The following LAMA3 variants were observed in gnomAD, a reference collection of about 807,000 sequenced individuals.
LAMA3 encodes the protein laminin subunit alpha-3.
In LAMA3, 281 loss-of-function variants were observed where a neutral mutation model predicts 402.0. That is an observed-to-expected ratio of 0.70 (90% confidence interval 0.63 to 0.77). LAMA3 has a LOEUF of 0.77. Among genes scored for constraint, LAMA3 ranks in the 30% least tolerant of loss-of-function variants. The probability of loss-of-function intolerance (pLI) is 0.00; values close to 1 mark genes in which losing one functional copy is unlikely to be tolerated. For missense variants in LAMA3, 3,840 were observed against 4,215.5 expected (o/e 0.91, Z 2.47); for synonymous variants, 1,431 against 1,558.4 (o/e 0.92, Z 1.93).
intron 66 of LAMA3, among the ~76,000 whole-genome samples, chr18:23,932,753 A>AT (rs1044234031): frequency 1.3e-5 from 2 of 151,928 alleles, no homozygotes; most frequent in African/African-American, 2.4e-5. Flanking sequence ...GTGTTTACAT[A>AT]TTTTTTTTGA....
At chr18:23,778,065 C>T (rs944000726) in intron 11 of LAMA3, among the ~76,000 whole-genome samples, 1 of 152,122 alleles carries the variant, frequency 6.6e-6, no homozygotes, top group Non-Finnish European at 1.5e-5. Flanking sequence ...GGCATTAATG[C>T]TTCTGGGGCA....
chr18:23,897,918 G>A (rs999888069), intron 44 of LAMA3, among the ~76,000 whole-genome samples: 5 of 152,208 alleles, frequency 3.3e-5, no homozygotes, highest in Non-Finnish European at 7.3e-5. Flanking sequence ...TAATGGAAGA[G>A]CAAGGCTTAG....
In LAMA3 at chr18:23,758,349, C is replaced by T. The variant is rs373684879; in HGVS notation, c.948-47C>T. ...TCGCACTATAGGATCAACTGATCCT[C>T]ATCAAAACTTTTCAATAACTGAGAT... On this transcript the variant is annotated intron_variant, in intron 6 of 74. Coordinates refer to ENST00000313654, the MANE Select transcript of LAMA3 (RefSeq NM_198129.4). 8 of 1,427,256 alleles carry T rather than the reference C, an allele frequency of 5.6e-6. No homozygotes were observed. The African/African-American group carries it at 8.4e-5, about 15-fold the overall frequency. 88.4% of individuals were successfully genotyped at this position (1,427,256 alleles called of 1,614,324 possible).
At chr18:23,781,332 C>T (rs2062433272) in intron 11 of LAMA3, 1 of 455,320 alleles carries the variant, frequency 2.2e-6, no homozygotes, top group Non-Finnish European at 4.4e-6. Flanking sequence ...CCAAGGCTTC[C>T]CTTGTCATGA....
intron 74 of LAMA3, 29 bp from the exon 75 acceptor site, chr18:23,954,474 A>G: frequency 6.2e-7 from 1 of 1,602,666 alleles, no homozygotes; most frequent in Non-Finnish European, 8.5e-7. Context: ...TGAATTATTT[A>G]CTGAATGCCT....
At position 23,825,474 on chromosome 18, in the gene LAMA3, C is replaced by T. The variant is rs761235820; in HGVS notation, c.2571+909C>T. Among the ~76,000 whole-genome samples, 152 of 152,266 alleles carry T rather than the reference C, an allele frequency of 1.0e-3. No homozygotes were observed. The Middle Eastern group carries it at 0.024, about 24-fold the overall frequency. ...TCGCTTAATTCCAATCCTGTCTCTT[C>T]CAGTCCTGCCAGTTGCTTCTTCCAT... On this transcript the variant is annotated intron_variant, in intron 21 of 74. Transcript: ENST00000313654.
chr18:23,819,736 T>G, intron 18 of LAMA3, 105 bp from the exon 19 acceptor site: 1 of 970,464 alleles, frequency 1.0e-6, no homozygotes, highest in South Asian at 1.3e-5. Context: ...TAATGTACTC[T>G]GTCAATGTGG....
intron 55 of LAMA3, among the ~76,000 whole-genome samples, chr18:23,911,500 C>T (rs1194344279): frequency 6.6e-6 from 1 of 151,830 alleles, no homozygotes; most frequent in Non-Finnish European, 1.5e-5. Flanking sequence ...AGCATGTGAT[C>T]GGTGGGCTTG....
intron 2 of LAMA3, among the ~76,000 whole-genome samples, chr18:23,724,918 C>T (rs1242242184): frequency 4.6e-5 from 7 of 152,158 alleles, no homozygotes. Context: ...ATCTGTGACC[C>T]TGCAGCCTTC....
At chr18:23,769,650 T>G (rs180751398) in intron 8 of LAMA3, among the ~76,000 whole-genome samples, 52 of 152,190 alleles carry the variant, frequency 3.4e-4, no homozygotes, top group Middle Eastern at 3.4e-3. Flanking sequence ...GGGGATGAAG[T>G]GCATGCATGT....
intron 8 of LAMA3, among the ~76,000 whole-genome samples, chr18:23,768,116 C>T (rs1484605826): frequency 6.8e-6 from 1 of 148,034 alleles, no homozygotes; most frequent in Non-Finnish European, 1.5e-5. Context: ...TTCAACAAAA[C>T]AAAAAATTGA....
At chr18:23,777,142 C>T (rs2062339177) in intron 10 of LAMA3, among the ~76,000 whole-genome samples, 1 of 151,628 alleles carries the variant, frequency 6.6e-6, no homozygotes, top group East Asian at 1.9e-4. Flanking sequence ...GCTCGGCCTG[C>T]CTTTTTAGTG....
intron 39 of LAMA3, among the ~76,000 whole-genome samples, chr18:23,880,988 ATTATAC>A (rs148943083): frequency 7.7e-4 from 118 of 152,360 alleles, no homozygotes; most frequent in Non-Finnish European, 1.2e-3. Context: ...AATGTTTAAA[ATTATAC>A]TTATTCCAGC....
chr18:23,763,034 T>A (rs1343496474), intron 7 of LAMA3, among the ~76,000 whole-genome samples: 2 of 152,022 alleles, frequency 1.3e-5, no homozygotes, highest in Admixed American at 6.6e-5. Flanking sequence ...TTTTTGTATT[T>A]TTAGTAGAGA....
chr18:23,873,034 C>T, intron 38 of LAMA3: 2 of 1,614,126 alleles, frequency 1.2e-6, no homozygotes, highest in Non-Finnish European at 1.7e-6. Context: ...AGCGGACGTC[C>T]AGGAACCGGG....
chr18:23,732,930 T>G (rs1304334118), intron 2 of LAMA3, among the ~76,000 whole-genome samples: 2 of 152,148 alleles, frequency 1.3e-5, no homozygotes, highest in Admixed American at 6.5e-5. Flanking sequence ...TACTATTAAT[T>G]TAATAATTCT....
chr18:23,743,989 G>A (rs2061606052), intron 2 of LAMA3, among the ~76,000 whole-genome samples: 1 of 152,178 alleles, frequency 6.6e-6, no homozygotes, highest in African/African-American at 2.4e-5. Context: ...TGGCCAAAGA[G>A]TAAACATAAG....
intron 60 of LAMA3, among the ~76,000 whole-genome samples, chr18:23,919,861 G>C (rs567449374): frequency 1.4e-4 from 22 of 152,034 alleles, no homozygotes; most frequent in African/African-American, 4.3e-4. Flanking sequence ...CTGGCTGTAG[G>C]GGGGAATGGA....
chr18:23,901,151 A>G lies in LAMA3; in HGVS notation c.6029A>G (p.Gln2010Arg). Residue 2010 changes from glutamine (Q) to arginine (R), a missense_variant, in exon 48 of 75, where the codon CAG (glutamine) becomes CGG (arginine). This residue lies in a region of LAMA3 where 891 missense variants were observed against 857.5 expected (regional missense o/e 1.04). Coordinates refer to ENST00000313654, the MANE Select transcript of LAMA3 (RefSeq NM_198129.4). ...QLLLNRIRTW[Q>R]KTHQGENNGL... ...GTGCTGAACCGGATAAGGACCTGGC[A>G]GAAAACCCACCAGGGGGAGAACAAT... 1 of 1,614,228 alleles carries G rather than the reference A, an allele frequency of 6.2e-7. No individual in the cohort carries two copies. The highest frequency in any genetic ancestry group is 8.5e-7 in the Non-Finnish European group (1 of 1,180,024).
Sources: allele counts gnomAD v4.1 joint callset (sites outside exome capture counted in the v4.1 genomes callset), GRCh38; gene constraint gnomAD v4.1.1; regional missense constraint gnomAD v4.1.1; transcripts MANE v1.5; gene names NCBI Gene and HGNC (gene_info 2026-07-23, HGNC 2026-07-21).